Variants in ZNF33A observed in about 807,000 individuals in gnomAD.
ZNF33A encodes brain my041 protein.
Under a neutral mutation model 15.9 loss-of-function variants are expected in ZNF33A, and 9 were observed. That is an observed-to-expected ratio of 0.57 (90% CI 0.34 to 0.99). The LOEUF (loss-of-function observed/expected upper bound fraction) is 0.99, where lower values mean the gene tolerates loss of function less well. Among genes scored for constraint, ZNF33A ranks in the 50% least tolerant of loss-of-function variants. The pLI is 0.02. For missense variants in ZNF33A, 843 were observed against 941.6 expected (o/e 0.90, Z 1.37); for synonymous variants, 294 against 324.2 (o/e 0.91, Z 1.00).
intron 4 of ZNF33A, among the ~76,000 whole-genome samples, chr10:38,040,392 G>T (rs752536968): frequency 3.3e-5 from 5 of 152,004 alleles, no homozygotes; most frequent in Non-Finnish European, 5.9e-5. Flanking sequence ...TGAAAATGGG[G>T]TATTACAGTT....
downstream of ZNF33A, among the ~76,000 whole-genome samples, chr10:38,065,890 T>A (rs1156435007): frequency 1.3e-5 from 2 of 152,054 alleles, no homozygotes; most frequent in Non-Finnish European, 2.9e-5. Flanking sequence ...TTTGTATTTT[T>A]AATAAAGACA....
chr10:38,042,278 T>C (rs1249827152), intron 4 of ZNF33A, among the ~76,000 whole-genome samples: 3 of 151,852 alleles, frequency 2.0e-5, no homozygotes, highest in Admixed American at 2.0e-4. Flanking sequence ...TCCTGCCTCC[T>C]GGGTTCAAGC....
chr10:38,053,463 T>C (rs1047733813), intron 4 of ZNF33A, among the ~76,000 whole-genome samples: 11 of 152,154 alleles, frequency 7.2e-5, no homozygotes, highest in African/African-American at 2.7e-4. Flanking sequence ...TGTCTTACCC[T>C]TATGACCTCA....
At chr10:38,028,370 C>G (rs142552922) in intron 4 of ZNF33A, among the ~76,000 whole-genome samples, 2 of 152,152 alleles carry the variant, frequency 1.3e-5, no homozygotes, top group Non-Finnish European at 2.9e-5. Context: ...TAATCACCAA[C>G]AAGGCAGTGC....
chr10:38,044,141 T>A (rs892846488), intron 4 of ZNF33A, among the ~76,000 whole-genome samples: 1 of 151,980 alleles, frequency 6.6e-6, no homozygotes, highest in Non-Finnish European at 1.5e-5. Context: ...GATTACTTAA[T>A]CTCTATTGAT....
intron 4 of ZNF33A, among the ~76,000 whole-genome samples, chr10:38,035,596 T>C (rs2065414089): frequency 6.6e-6 from 1 of 152,210 alleles, no homozygotes. Flanking sequence ...AGGTCAGGAC[T>C]TCCTCCTGTA....
Position 38,054,627 on chromosome 10 carries a change from A to G in ZNF33A, c.503A>G (p.Asp168Gly), listed in dbSNP as rs751436754. Residue 168 changes from aspartate (D) to glycine (G), a missense_variant, in exon 5 of 5, where the codon GAT (aspartate) becomes GGT (glycine). Transcript: ENST00000432900. ...ATAAACTATTTAGGAAAAAAGTCTG[A>G]TGAATTTAATGCCTGTGGGAAATTG... is the stretch of plus-strand genomic sequence containing the variant. ...SKINYLGKKS[D>G]EFNACGKLLL... 7.4e-6 allele frequency: 12 copies of G among 1,612,674 alleles called. No homozygotes were observed. The Admixed American group carries it at 1.7e-4, about 22-fold the overall frequency.
At chr10:38,037,693 G>T (rs1307756086) in intron 4 of ZNF33A, among the ~76,000 whole-genome samples, 3 of 152,124 alleles carry the variant, frequency 2.0e-5, no homozygotes, top group Non-Finnish European at 4.4e-5. Context: ...ATAATATATA[G>T]TAGTGTTTAT....
rs1179634656 is a variant in ZNF33A, at chr10:38,055,010, G to T, written c.886G>T (p.Val296Leu). The change falls in exon 5 of 5, where the codon GTA becomes TTA. Residue 296 changes from valine to leucine, a missense_variant. Val to Leu is a conservative substitution (Grantham distance 32). Coordinates refer to ENST00000432900, the MANE Select transcript of ZNF33A (RefSeq NM_006954.2). Reference sequence around the variant, plus strand: ...GTCCACCCTTTCTAAACCTCATGGGGTATCTATGAAACACTATGATTGTGG... The same window carrying T: ...GTCCACCCTTTCTAAACCTCATGGGTTATCTATGAAACACTATGATTGTGG... Reference protein sequence around the residue: ...VKSTLSKPHGVSMKHYDCGES... With the variant: ...VKSTLSKPHGLSMKHYDCGES... 1 of 1,614,082 alleles carries T rather than the reference G, an allele frequency of 6.2e-7. No homozygotes were observed. The highest frequency in any genetic ancestry group is 8.5e-7 in the Non-Finnish European group (1 of 1,179,986).
At chr10:38,049,189 A>T (rs1412363277) in intron 4 of ZNF33A, among the ~76,000 whole-genome samples, 2 of 152,204 alleles carry the variant, frequency 1.3e-5, no homozygotes, top group Non-Finnish European at 2.9e-5. Flanking sequence ...TTCTTCAAAG[A>T]AGAGTTCAAA....
intron 4 of ZNF33A, among the ~76,000 whole-genome samples, chr10:38,022,670 A>AAAT (rs1554902308): frequency 3.3e-5 from 5 of 151,610 alleles, no homozygotes; most frequent in Non-Finnish European, 7.4e-5. Context: ...AAAAAAAAAA[A>AAAT]AAAAAAAATG....
chr10:38,028,702 AAGTGATCCACC>A (rs2065089650), intron 4 of ZNF33A, among the ~76,000 whole-genome samples: 2 of 152,134 alleles, frequency 1.3e-5, no homozygotes, highest in African/African-American at 4.8e-5. Flanking sequence ...TCCTGGCCTC[AAGTGATCCACC>A]CATCTCGGCC....
downstream of ZNF33A, among the ~76,000 whole-genome samples, chr10:38,061,539 C>A (rs1364035125): frequency 6.6e-6 from 1 of 152,158 alleles, no homozygotes; most frequent in Admixed American, 6.5e-5. Flanking sequence ...AATCATGGGG[C>A]CTGATGGCCT....
At chr10:38,061,072 A>G (rs1233255160), downstream of ZNF33A, among the ~76,000 whole-genome samples, 1 of 152,052 alleles carries the variant, frequency 6.6e-6, no homozygotes, top group Admixed American at 6.6e-5. Context: ...CCCACTTTCC[A>G]AAGGTCTGGC....
chr10:38,011,769 A>G (rs1449965785), intron 1 of ZNF33A, among the ~76,000 whole-genome samples: 1 of 152,218 alleles, frequency 6.6e-6, no homozygotes, highest in Non-Finnish European at 1.5e-5. Context: ...AGTTTAAAAT[A>G]TCCCTTTGAG....
At chr10:38,062,840 AAAAAT>A (rs2066670211), downstream of ZNF33A, among the ~76,000 whole-genome samples, 1 of 151,848 alleles carries the variant, frequency 6.6e-6, no homozygotes, top group Non-Finnish European at 1.5e-5. Flanking sequence ...TGTCTCTACT[AAAAAT>A]AGAAAAAGTT....
At chr10:38,021,124 C>T (rs182146064) in intron 4 of ZNF33A, among the ~76,000 whole-genome samples, 1 of 152,154 alleles carries the variant, frequency 6.6e-6, no homozygotes, top group African/African-American at 2.4e-5. Context: ...ACATAATGAA[C>T]AACATAGGTT....
At position 38,059,069 on chromosome 10, in the gene ZNF33A, T is replaced by C. The variant is rs188337432; in HGVS notation, c.*2509T>C. On this transcript the variant is annotated 3_prime_UTR_variant, in exon 5 of 5. Transcript: ENST00000432900. Reference sequence around the variant, plus strand: ...TGCAAGGCTTGTTCAACATTTGATATTCAGTGTAATCCATTGCATGCATTA... The same window carrying C: ...TGCAAGGCTTGTTCAACATTTGATACTCAGTGTAATCCATTGCATGCATTA... 1.3e-5 allele frequency: 2 copies of C among 152,336 alleles called. No homozygotes were observed. The highest frequency in any genetic ancestry group is 4.8e-5 in the African/African-American group (2 of 41,588). 9.4% of individuals were successfully genotyped at this position (152,336 alleles called of 1,614,324 possible).
rs1238061175 is a variant in ZNF33A, at chr10:38,055,394, C to T, written c.1270C>T (p.Gln424Ter). ...TAATGCGTGTGGGAAAACTTTTTGC[C>T]AGAAATCTGACCTCACTAAACATCA... The part of the protein sequence containing the change: ...QCNACGKTFC[Q>*]KSDLTKHQRT... Residue 424 changes from glutamine to a stop codon, truncating the protein, a stop_gained, in exon 5 of 5, where the codon CAG (glutamine) becomes TAG (stop). Coordinates refer to ENST00000432900, the MANE Select transcript of ZNF33A (RefSeq NM_006954.2). LOFTEE classifies it low-confidence loss of function (END_TRUNC). 3 of 1,613,886 alleles carry T rather than the reference C, an allele frequency of 1.9e-6. No individual in the cohort carries two copies. Among genetic ancestry groups the T allele is most frequent in the Non-Finnish European group, 2.5e-6 (3 of 1,179,948 alleles).
Sources: gnomAD v4.1 joint callset for allele counts (sites outside exome capture counted in the v4.1 genomes callset) on GRCh38, gnomAD v4.1.1 for gene constraint, MANE v1.5 for transcripts, NCBI Gene and HGNC (gene_info 2026-07-23, HGNC 2026-07-21) for gene names.